SGCD: variants seen among roughly 807,000 people sequenced by gnomAD.
The protein encoded by SGCD is delta-sarcoglycan.
In SGCD, 18 loss-of-function variants were observed where a neutral mutation model predicts 36.6. The ratio of observed to expected loss-of-function variants is 0.49; its 90% CI spans 0.34 to 0.73. SGCD has a LOEUF of 0.73. SGCD is among the 30% of genes least tolerant of loss of function. SGCD has a pLI of 0.01. For synonymous variants in SGCD, 133 were observed against 130.6 expected, an observed-to-expected ratio of 1.02 and a Z score of -0.12; for missense variants, 387 against 346.7, an observed-to-expected ratio of 1.12 and a Z score of -0.92.
chr5:156,711,735 T>C (rs1357964347), intron 7 of SGCD, among the ~76,000 whole-genome samples: 2 of 152,166 alleles, frequency 1.3e-5, no homozygotes, highest in African/African-American at 2.4e-5. Flanking sequence ...GTAGAGGTGT[T>C]ATAGGAAAAG....
chr5:156,435,735 TA>T (rs958836419), intron 3 of SGCD, among the ~76,000 whole-genome samples: 88 of 152,266 alleles, frequency 5.8e-4, no homozygotes, highest in African/African-American at 2.0e-3. Context: ...ACTAACTGTT[TA>T]AAAAATTAAT....
At chr5:155,754,856 T>C in the SGCD span, among the ~76,000 whole-genome samples, 2 of 152,192 alleles carry the variant, frequency 1.3e-5, no homozygotes, top group Non-Finnish European at 2.9e-5. Context: ...TTCGTAATTA[T>C]TTCTAACCTC....
chr5:156,127,288 T>G (rs975084478), intron 3 of SGCD, among the ~76,000 whole-genome samples: 1 of 152,146 alleles, frequency 6.6e-6, no homozygotes, highest in Non-Finnish European at 1.5e-5. Flanking sequence ...AAAATAGCTG[T>G]CATTATATAT....
At chr5:156,289,304 TTTTTA>T (rs1442242502) in intron 3 of SGCD, among the ~76,000 whole-genome samples, 1 of 152,078 alleles carries the variant, frequency 6.6e-6, no homozygotes, top group African/African-American at 2.4e-5. Context: ...TTTATTTTTA[TTTTTA>T]TTTTATTTTA....
At chr5:155,969,959 G>C (rs77810845) in intron 1 of SGCD, among the ~76,000 whole-genome samples, 1 of 151,512 alleles carries the variant, frequency 6.6e-6, no homozygotes, top group Admixed American at 6.6e-5. Context: ...GTGATTTTTC[G>C]TTTTGAAAAA....
At chr5:156,241,133 G>A (rs1006315952) in intron 3 of SGCD, among the ~76,000 whole-genome samples, 4 of 152,086 alleles carry the variant, frequency 2.6e-5, no homozygotes, top group South Asian at 2.1e-4. Context: ...ACACATAAAC[G>A]ATTGAGAAAT....
At chr5:155,780,308 A>T in the SGCD span, among the ~76,000 whole-genome samples, 2 of 152,178 alleles carry the variant, frequency 1.3e-5, no homozygotes, top group African/African-American at 4.8e-5. Flanking sequence ...ATATCTGAGT[A>T]AATTGTATGT....
chr5:156,758,412 GC>G (rs1186036977), intron 8 of SGCD, among the ~76,000 whole-genome samples: 2 of 151,096 alleles, frequency 1.3e-5, no homozygotes, highest in East Asian at 3.9e-4. Context: ...TAAGAAAAAT[GC>G]TATTCCACCT....
At chr5:156,620,442 A>G (rs746416676) in intron 6 of SGCD, among the ~76,000 whole-genome samples, 2 of 152,276 alleles carry the variant, frequency 1.3e-5, no homozygotes, top group African/African-American at 2.4e-5. Context: ...AATATTAAAT[A>G]GTGAAAATGT....
chr5:156,025,900 G>A (rs908035686), intron 1 of SGCD, among the ~76,000 whole-genome samples: 2 of 152,126 alleles, frequency 1.3e-5, no homozygotes, highest in Admixed American at 1.3e-4. Flanking sequence ...CATTCCATTG[G>A]CCCTTTATTT....
At chr5:156,535,233 A>G (rs924631987) in intron 4 of SGCD, among the ~76,000 whole-genome samples, 9 of 152,296 alleles carry the variant, frequency 5.9e-5, no homozygotes, top group African/African-American at 2.2e-4. Context: ...TTCTTGGTTC[A>G]TGGGGTATAC....
chr5:156,065,378 G>A (rs1266715380), intron 1 of SGCD, among the ~76,000 whole-genome samples: 10 of 121,372 alleles, frequency 8.2e-5, no homozygotes, highest in African/African-American at 3.8e-4. Flanking sequence ...TTTTGGAATA[G>A]GTGTGGTGTG....
At chr5:155,960,679 C>G (rs1208206938) in intron 1 of SGCD, among the ~76,000 whole-genome samples, 1 of 152,038 alleles carries the variant, frequency 6.6e-6, no homozygotes, top group Non-Finnish European at 1.5e-5. Context: ...TTAGAAGCAC[C>G]TTCTTCCTTG....
At chr5:156,450,587 T>G (rs1183502278) in intron 3 of SGCD, among the ~76,000 whole-genome samples, 1 of 151,772 alleles carries the variant, frequency 6.6e-6, no homozygotes, top group Non-Finnish European at 1.5e-5. Flanking sequence ...TGTATCTAAT[T>G]TGGAAGGATT....
At chr5:156,029,450 C>T (rs1378707730) in intron 1 of SGCD, among the ~76,000 whole-genome samples, 1 of 152,124 alleles carries the variant, frequency 6.6e-6, no homozygotes, top group Non-Finnish European at 1.5e-5. Flanking sequence ...GCCTGTTTTG[C>T]ATGACAAGCC....
Position 155,921,054 on chromosome 5 carries a change from A to G in SGCD, c.-282+50630A>G, listed in dbSNP as rs78995239. Reference sequence around the variant, plus strand: ...AGGGCCTTGGGCAATACCAACATTTAATGGGTAAGGTAAGGAAAAGGAGCC... The same window carrying G: ...AGGGCCTTGGGCAATACCAACATTTGATGGGTAAGGTAAGGAAAAGGAGCC... On this transcript the variant is annotated intron_variant, in intron 1 of 9. Coordinates refer to the SGCD transcript ENST00000517913. 1.1e-4 allele frequency among the ~76,000 whole-genome samples: 17 copies of G among 152,264 alleles called. 1 individual carries two copies. In the East Asian group the frequency reaches 3.3e-3, roughly 29 times the overall value.
chr5:156,001,035 T>G (rs148022865), intron 1 of SGCD, among the ~76,000 whole-genome samples: 454 of 152,254 alleles, frequency 3.0e-3, no homozygotes, highest in Admixed American at 5.4e-3. Flanking sequence ...CCAAGGGATA[T>G]CCATCATTTA....
chr5:156,535,956 T>C (rs1268296928), intron 4 of SGCD, among the ~76,000 whole-genome samples: 1 of 152,138 alleles, frequency 6.6e-6, no homozygotes, highest in African/African-American at 2.4e-5. Context: ...AATACTGCAG[T>C]GAGTTGACGG....
rs1757920193 is a variant in SGCD at position 155,967,218 on chromosome 5, A to C, written c.-282+96794A>C. ...GCCTGGGGAATTGAGGCTGAGCTACACCTTGCCTGTGATGGGTGTCTCTGT... is the reference window on the plus strand; with the variant it reads ...GCCTGGGGAATTGAGGCTGAGCTACCCCTTGCCTGTGATGGGTGTCTCTGT... On this transcript the variant is annotated intron_variant, in intron 1 of 9. Coordinates refer to the SGCD transcript ENST00000517913. Among the ~76,000 whole-genome samples the C allele has an allele frequency of 2.6e-5, 4 of 151,978 alleles. No homozygotes were observed. The South Asian group carries it at 8.3e-4, about 32-fold the overall frequency.
Sources: gnomAD v4.1 joint callset for allele counts (sites outside exome capture counted in the v4.1 genomes callset) on GRCh38, gnomAD v4.1.1 for gene constraint, MANE v1.5 for transcripts, NCBI Gene and HGNC (gene_info 2026-07-23, HGNC 2026-07-21) for gene names.